TAF6: variants seen among roughly 807,000 people sequenced by gnomAD.
The protein encoded by TAF6 is TATA-box binding protein associated factor 6.
TAF6 carries 50 observed loss-of-function variants against 73.5 expected under a neutral mutation model. That is an observed-to-expected ratio of 0.68 (90% CI 0.54 to 0.86). The LOEUF is 0.86. Ranked by LOEUF, TAF6 falls within the 40% of genes least tolerant of loss-of-function variation. TAF6 has a pLI of 0.00. For synonymous variants in TAF6, 424 were observed against 376.7 expected (o/e 1.13, Z -1.45); for missense variants, 768 against 899.5 (o/e 0.85, Z 1.87).
chr7:100,127,130 G>A, the TAF6 span: 1 of 510,524 alleles, frequency 2.0e-6, no homozygotes, highest in Non-Finnish European at 3.5e-6. This position sits in a 1 kb window ranked among gnomAD's most constrained non-coding sequence, Gnocchi z 4.6. Context: ...TGACGGGCAA[G>A]GACGTACGTA....
chr7:100,110,132 G>T, intron 11 of TAF6, 59 bp from the exon 12 acceptor site: 1 of 1,613,916 alleles, frequency 6.2e-7, no homozygotes, highest in Non-Finnish European at 8.5e-7. Context: ...TCCCAGATGG[G>T]GGTACAGTGC....
upstream of TAF6, among the ~76,000 whole-genome samples, chr7:100,121,618 T>C (rs1299925706): frequency 6.6e-6 from 1 of 151,736 alleles, no homozygotes; most frequent in Non-Finnish European, 1.5e-5. Flanking sequence ...CTAGTTTTTG[T>C]ATTTTTAATA....
At chr7:100,126,967 A>G in the TAF6 span, 117 of 161,840 alleles carry the variant, frequency 7.2e-4, no homozygotes, top group Admixed American at 1.4e-3. Context: ...TTCGGCCGCC[A>G]TATCTGGGTA....
Position 100,107,632 on chromosome 7 carries a change from A to G in TAF6, c.1657-9T>C. ...GTGCTGAGGGACAGGACCTGGATAG[A>G]AAGGAAAGGCAGGCCGCTTGCCCTG... On this transcript the variant is annotated splice_polypyrimidine_tract_variant and intron_variant, in intron 14 of 14. Transcript: ENST00000453269. The G allele has an allele frequency of 6.2e-7, 1 of 1,609,580 alleles. No individual in the cohort carries two copies. Among genetic ancestry groups the G allele is most frequent in the African/African-American group, 1.3e-5 (1 of 74,792 alleles).
At chr7:100,110,995 AGG>A (rs1180845932) in intron 10 of TAF6, 142 bp downstream of exon 10, 1 of 742,760 alleles carries the variant, frequency 1.3e-6, no homozygotes, top group Non-Finnish European at 2.1e-6. Flanking sequence ...AAAAAAAAAA[AGG>A]TATTACAGAC....
In TAF6 at chr7:100,119,334, GC is replaced by G; in HGVS notation, c.-191del. ...GCAGCCGAGACGCTGCTCACCCGGCGCTCGGCGCCATCTTGGCCCCGCCCCC... is the reference window on the plus strand; with the variant it reads ...GCAGCCGAGACGCTGCTCACCCGGCGTCGGCGCCATCTTGGCCCCGCCCCC... On this transcript the variant is annotated 5_prime_UTR_variant, in exon 1 of 15. An upstream open reading frame in the 5' UTR loses its in-frame stop. Coordinates refer to ENST00000453269, the MANE Select transcript of TAF6 (RefSeq NM_139315.3). 1 of 1,031,730 alleles carries G rather than the reference GC, an allele frequency of 9.7e-7. No homozygotes were observed. Among genetic ancestry groups the G allele is most frequent in the Non-Finnish European group, 1.2e-6 (1 of 857,746 alleles). 63.9% of individuals were successfully genotyped at this position (1,031,730 alleles called of 1,614,324 possible). A position where few individuals can be genotyped will look rare whatever the true frequency, so the allele number is the denominator to read the frequency against.
At chr7:100,120,802 TGGGA>T (rs1484260422), upstream of TAF6, among the ~76,000 whole-genome samples, 6 of 151,968 alleles carry the variant, frequency 3.9e-5, no homozygotes, top group Admixed American at 3.3e-4. Flanking sequence ...AAGGCCAAGG[TGGGA>T]GGATCACTTG....
chr7:100,112,104 T>G lies in TAF6; in HGVS notation c.720+4A>C, dbSNP rs768340459. 2.5e-6 allele frequency: 4 copies of G among 1,613,512 alleles called. No homozygotes were observed. On this transcript the variant is annotated splice_donor_region_variant and intron_variant, in intron 7 of 14. Coordinates refer to ENST00000453269, the MANE Select transcript of TAF6 (RefSeq NM_139315.3). ...GGGCCAGGGCAAGCTGGTGGGGCCC[T>G]CACCGCCCTCTTGGCCTCGCAGGAG...
At chr7:100,115,881 G>C (rs945681330) in intron 1 of TAF6, among the ~76,000 whole-genome samples, 6 of 152,096 alleles carry the variant, frequency 3.9e-5, no homozygotes, top group East Asian at 1.9e-4. Context: ...TGAGGCAAGA[G>C]AATCACTTGA....
upstream of TAF6, chr7:100,124,793 G>A: frequency 6.2e-7 from 1 of 1,613,008 alleles, no homozygotes; most frequent in Non-Finnish European, 8.5e-7. Context: ...AGGGGAGGAA[G>A]AGCAGGAGGA....
the TAF6 span, chr7:100,127,148 C>G: frequency 2.2e-5 from 11 of 504,852 alleles, no homozygotes; most frequent in Non-Finnish European, 2.8e-5. The surrounding 1 kb of genome is among the most constrained non-coding windows in gnomAD (Gnocchi z 4.6). Context: ...GTACCGCGAA[C>G]GGAATGGGGC....
At chr7:100,107,885 C>A in intron 14 of TAF6, 41 bp downstream of exon 14, 3 of 1,568,688 alleles carry the variant, frequency 1.9e-6, no homozygotes, top group Non-Finnish European at 2.6e-6. Flanking sequence ...CTGAGGTAAC[C>A]CAGGCCCTCC....
chr7:100,111,364 TC>T, intron 9 of TAF6, 43 bp from the exon 10 acceptor site: 1 of 1,593,168 alleles, frequency 6.3e-7, no homozygotes, highest in South Asian at 1.1e-5. Context: ...GTTTTGTTTG[TC>T]TGCTTGAGAT....
At chr7:100,122,358 G>C (rs770858624), upstream of TAF6, 1 of 1,614,050 alleles carries the variant, frequency 6.2e-7, no homozygotes, top group African/African-American at 1.3e-5. Flanking sequence ...ACAGGCAAGA[G>C]GAAGAGACAC....
chr7:100,114,705 G>A (rs1453948011), intron 1 of TAF6: 7 of 205,816 alleles, frequency 3.4e-5, no homozygotes, highest in South Asian at 1.2e-4. Context: ...GGGTGACTCC[G>A]TCTCAGGAAA....
the TAF6 span, chr7:100,124,979 TTA>T: frequency 7.0e-7 from 1 of 1,434,596 alleles, no homozygotes; most frequent in Non-Finnish European, 9.4e-7. Flanking sequence ...CAGGGTGTGT[TTA>T]TGAGTGACTC....
upstream of TAF6, among the ~76,000 whole-genome samples, chr7:100,123,373 A>T (rs1052527730): frequency 2.0e-5 from 3 of 151,772 alleles, no homozygotes; most frequent in Admixed American, 6.6e-5. Flanking sequence ...AACAAAAAAA[A>T]AGAAATCATA....
chr7:100,111,120 T>C lies in TAF6; in HGVS notation c.1083+19A>G. On this transcript the variant is annotated intron_variant, in intron 10 of 14. Coordinates refer to ENST00000453269, the MANE Select transcript of TAF6 (RefSeq NM_139315.3). The stretch of plus-strand genomic sequence containing the variant: ...TGGCCAGTGATGAAGCAAATGACGC[T>C]CAAGTTTTCCTGGCTCACCTTGGTG... The C allele has an allele frequency of 6.2e-7, 1 of 1,609,026 alleles. No individual in the cohort carries two copies. Among genetic ancestry groups the C allele is most frequent in the African/African-American group, 1.3e-5 (1 of 74,950 alleles).
At chr7:100,110,442 A>G (rs1433002718) in intron 10 of TAF6, 168 bp from the exon 11 acceptor site, 7 of 595,784 alleles carry the variant, frequency 1.2e-5, no homozygotes, top group Admixed American at 1.0e-4. Flanking sequence ...CGAGGCAGGC[A>G]GATCACCTGA....
Sources: gnomAD v4.1 joint callset for allele counts (sites outside exome capture counted in the v4.1 genomes callset) on GRCh38, gnomAD v4.1.1 for gene constraint, Gnocchi (gnomAD v3.1) non-coding constraint, MANE v1.5 for transcripts, NCBI Gene and HGNC (gene_info 2026-07-23, HGNC 2026-07-21) for gene names.